SLC17A6: variants seen among roughly 807,000 people sequenced by gnomAD.
SLC17A6 encodes vesicular glutamate transporter 2.
Under a neutral mutation model 67.1 loss-of-function variants are expected in SLC17A6, and 35 were observed. That is an observed-to-expected ratio of 0.52 (90% confidence interval 0.40 to 0.69). The LOEUF (loss-of-function observed/expected upper bound fraction) is 0.69. SLC17A6 is among the 30% of genes least tolerant of loss of function. SLC17A6 has a pLI of 0.00. For missense variants in SLC17A6, 588 were observed against 723.9 expected, an observed-to-expected ratio of 0.81 and a Z score of 2.15; for synonymous variants, 285 against 252.3, an observed-to-expected ratio of 1.13 and a Z score of -1.23.
At chr11:22,370,221 A>T (rs1008605478) in intron 8 of SLC17A6, 33 bp downstream of exon 8, 1 of 1,556,226 alleles carries the variant, frequency 6.4e-7, no homozygotes, top group Admixed American at 2.0e-5. Context: ...TAAATTGTGG[A>T]TTACCTGTGT....
At chr11:22,354,792 C>T (rs563371286) in intron 3 of SLC17A6, among the ~76,000 whole-genome samples, 2 of 152,112 alleles carry the variant, frequency 1.3e-5, no homozygotes, top group Admixed American at 6.5e-5. Flanking sequence ...ATGGTTACAC[C>T]GTCTGTGAAG....
At chr11:22,369,914 T>C (rs1360692053) in intron 7 of SLC17A6, 125 bp from the exon 8 acceptor site, 1 of 817,742 alleles carries the variant, frequency 1.2e-6, no homozygotes, top group East Asian at 2.9e-5. Flanking sequence ...AATGCTTCAC[T>C]ACATCTTCCT....
At chr11:22,354,078 A>T (rs1239469643) in intron 3 of SLC17A6, among the ~76,000 whole-genome samples, 3 of 149,524 alleles carry the variant, frequency 2.0e-5, no homozygotes, top group Non-Finnish European at 3.0e-5. Flanking sequence ...AACAATTTAT[A>T]TTTTTTTTCT....
In SLC17A6 at chr11:22,370,188, G is replaced by A. The variant is rs763060782; in HGVS notation, c.1041G>A (p.Lys347=). Residue 347 remains lysine (K), a splice_region_variant and synonymous_variant, in exon 8 of 12, where the codon AAG becomes AAA. Transcript: ENST00000263160. ...FEEVFGFEIS[K]VGMLSAVPHL... ...AAGTCTTTGGATTTGAAATTAGCAA[G>A]GTATGTAAAATGTATTCTTATATAA... 1.9e-6 allele frequency: 3 copies of A among 1,600,030 alleles called. No homozygotes were observed. Among genetic ancestry groups the A allele is most frequent in the South Asian group, 2.3e-5 (2 of 87,374 alleles).
chr11:22,362,775 C>G lies in SLC17A6; in HGVS notation c.698C>G (p.Ala233Gly). 6.2e-7 allele frequency: 1 copy of G among 1,613,834 alleles called. No homozygotes were observed. Among genetic ancestry groups the G allele is most frequent in the Non-Finnish European group, 8.5e-7 (1 of 1,179,736 alleles). The change falls in exon 6 of 12, where the codon GCT (alanine) becomes GGT (glycine). Residue 233 changes from alanine (A) to glycine (G), a missense_variant. This residue lies in a region of SLC17A6 where 414 missense variants were observed against 563.4 expected (regional missense o/e 0.73). Coordinates refer to ENST00000263160, the MANE Select transcript of SLC17A6 (RefSeq NM_020346.3). ...GGAGCTGTGATTGCAATGCCTTTAG[C>G]TGGCATTCTTGTGCAGTACACTGGC... ...YAGAVIAMPL[A>G]GILVQYTGWS...
intron 3 of SLC17A6, among the ~76,000 whole-genome samples, chr11:22,347,786 C>G (rs1320401980): frequency 2.0e-5 from 3 of 152,082 alleles, no homozygotes; most frequent in Non-Finnish European, 4.4e-5. Flanking sequence ...TCAGTACATC[C>G]AATCTTTGAA....
chr11:22,377,492 G>A lies in SLC17A6; in HGVS notation c.1501G>A (p.Glu501Lys), dbSNP rs760965326. 1 of 1,614,114 alleles carries A rather than the reference G, an allele frequency of 6.2e-7. No individual in the cohort carries two copies. The highest frequency in any genetic ancestry group is 1.1e-5 in the South Asian group (1 of 91,084). Residue 501 changes from glutamate to lysine, a missense_variant, in exon 12 of 12, where the codon GAG becomes AAG. Physicochemically the swap from Glu to Lys is moderately conservative, Grantham distance 56. This residue lies in a region of SLC17A6 where 414 missense variants were observed against 563.4 expected (regional missense o/e 0.73). Coordinates refer to ENST00000263160, the MANE Select transcript of SLC17A6 (RefSeq NM_020346.3). ...VIFYAIFASG[E>K]KQPWADPEET... ...ATTTTATGCAATATTTGCCTCAGGA[G>A]AGAAACAACCCTGGGCAGACCCGGA...
chr11:22,377,722 C>T lies in SLC17A6; in HGVS notation c.1731C>T (p.Asp577=). The T allele has an allele frequency of 6.4e-7, 1 of 1,574,678 alleles. No individual in the cohort carries two copies. Among genetic ancestry groups the T allele is most frequent in the Non-Finnish European group, 8.6e-7 (1 of 1,161,246 alleles). ...TACAAGACTCACATAGCTATAAGGACCGAGTTGATTATTCATAACAAAACT... is the reference window on the plus strand; with the variant it reads ...TACAAGACTCACATAGCTATAAGGATCGAGTTGATTATTCATAACAAAACT... The part of the protein sequence containing the change: ...GEVQDSHSYK[D]RVDYS Residue 577 remains aspartate (D), a synonymous_variant, in exon 12 of 12, where the codon GAC becomes GAT. Transcript: ENST00000263160.
At chr11:22,371,071 C>T (rs1856170392) in intron 8 of SLC17A6, among the ~76,000 whole-genome samples, 1 of 152,054 alleles carries the variant, frequency 6.6e-6, no homozygotes, top group African/African-American at 2.4e-5. Context: ...GCTAGTAATG[C>T]ACGACAAAAT....
At chr11:22,341,867 G>A (rs1307017372) in intron 2 of SLC17A6, 87 bp downstream of exon 2, 5 of 1,533,804 alleles carry the variant, frequency 3.3e-6, no homozygotes, top group Non-Finnish European at 4.4e-6. Context: ...CCGTTCCCCC[G>A]CCACTGAGAG....
At position 22,362,783 on chromosome 11, in the gene SLC17A6, C is replaced by A; in HGVS notation, c.706C>A (p.Leu236Ile). 6.2e-7 allele frequency: 1 copy of A among 1,613,840 alleles called. No individual in the cohort carries two copies. The highest frequency in any genetic ancestry group is 1.7e-4 in the Middle Eastern group (1 of 6,060). ...AVIAMPLAGI[L>I]VQYTGWSSVF... ...GATTGCAATGCCTTTAGCTGGCATT[C>A]TTGTGCAGTACACTGGCTGGTCTTC... Residue 236 changes from leucine to isoleucine, a missense_variant, in exon 6 of 12, where the codon CTT becomes ATT. This residue lies in a region of SLC17A6 where 414 missense variants were observed against 563.4 expected (regional missense o/e 0.73). Coordinates refer to ENST00000263160, the MANE Select transcript of SLC17A6 (RefSeq NM_020346.3).
At chr11:22,349,361 C>T (rs1477186243) in intron 3 of SLC17A6, among the ~76,000 whole-genome samples, 1 of 152,068 alleles carries the variant, frequency 6.6e-6, no homozygotes, top group East Asian at 1.9e-4. Flanking sequence ...CTATTGTGGG[C>T]CCCATAGGTT....
At chr11:22,362,713 T>C (rs1413077611) in intron 5 of SLC17A6, 26 bp from the exon 6 acceptor site, 3 of 1,579,132 alleles carry the variant, frequency 1.9e-6, no homozygotes, top group Non-Finnish European at 2.6e-6. Context: ...TCACTCACCT[T>C]TCTCCCATTC....
intron 3 of SLC17A6, among the ~76,000 whole-genome samples, chr11:22,344,578 A>G (rs1590378524): frequency 6.6e-6 from 1 of 152,190 alleles, no homozygotes; most frequent in African/African-American, 2.4e-5. Flanking sequence ...CATTAGGAAT[A>G]ATGCCTTTCG....
chr11:22,351,149 A>C (rs999993079), intron 3 of SLC17A6, among the ~76,000 whole-genome samples: 6 of 152,160 alleles, frequency 3.9e-5, no homozygotes, highest in African/African-American at 1.4e-4. Context: ...TGAAATTAGA[A>C]TTGAATCAAA....
chr11:22,360,459 G>A (rs1856039291), intron 4 of SLC17A6, among the ~76,000 whole-genome samples: 1 of 150,614 alleles, frequency 6.6e-6, no homozygotes, highest in South Asian at 2.1e-4. Flanking sequence ...TGCATATCCT[G>A]CACATGTACC....
At chr11:22,339,908 G>GA (rs11322834) in intron 1 of SLC17A6, among the ~76,000 whole-genome samples, 76 of 149,492 alleles carry the variant, frequency 5.1e-4, no homozygotes, top group Non-Finnish European at 7.9e-4. Flanking sequence ...TGCAGGAAAT[G>GA]AAAAAAAAAA....
In SLC17A6 at chr11:22,345,131, G is replaced by T. The variant is rs142772371; in HGVS notation, c.458+1766G>T. On this transcript the variant is annotated intron_variant, in intron 3 of 11. Coordinates refer to ENST00000263160, the MANE Select transcript of SLC17A6 (RefSeq NM_020346.3). ...ATTAAAATGCTAACATTTTCCTGCC[G>T]GGAAAAAACACCAGGGATGCTCCAG... 7.7e-3 allele frequency among the ~76,000 whole-genome samples: 1,157 copies of T among 151,168 alleles called. 19 individuals carry two copies. Among genetic ancestry groups the T allele is most frequent in the African/African-American group, 0.027 (1,110 of 41,232 alleles).
intron 3 of SLC17A6, among the ~76,000 whole-genome samples, chr11:22,354,294 G>A (rs1855974648): frequency 6.6e-6 from 1 of 151,966 alleles, no homozygotes; most frequent in African/African-American, 2.4e-5. Flanking sequence ...ATGTTGGTCG[G>A]GCTGGTCTTG....
Sources: allele counts gnomAD v4.1 joint callset (sites outside exome capture counted in the v4.1 genomes callset), GRCh38; gene constraint gnomAD v4.1.1; regional missense constraint gnomAD v4.1.1; transcripts MANE v1.5; gene names NCBI Gene and HGNC (gene_info 2026-07-23, HGNC 2026-07-21).